The following LRRC4C variants were observed in gnomAD, a reference collection of about 807,000 sequenced individuals.
LRRC4C encodes leucine-rich repeat-containing protein 4C.
LRRC4C carries 5 observed loss-of-function variants against 33.6 expected under a neutral mutation model. The observed-to-expected ratio is 0.15, with a 90% CI of 0.08 to 0.31. LRRC4C has a LOEUF of 0.31. LRRC4C is among the 10% of genes least tolerant of loss of function. LRRC4C has a pLI of 1.00. For missense variants in LRRC4C, 560 were observed against 796.7 expected, an observed-to-expected ratio of 0.70 and a Z score of 3.58; for synonymous variants, 329 against 302.0, an observed-to-expected ratio of 1.09 and a Z score of -0.93.
intron 3 of LRRC4C, among the ~76,000 whole-genome samples, chr11:40,564,557 G>A (rs1957679248): frequency 6.6e-6 from 1 of 152,222 alleles, no homozygotes; most frequent in African/African-American, 2.4e-5. Flanking sequence ...GGGGAGTGAT[G>A]GGGATTGCGC....
chr11:41,109,836 G>C (rs1941725927), intron 1 of LRRC4C, among the ~76,000 whole-genome samples: 1 of 151,964 alleles, frequency 6.6e-6, no homozygotes. Context: ...ATCTCTTTAA[G>C]AGCATCAAGG....
chr11:40,529,520 T>A (rs952525765), intron 3 of LRRC4C, among the ~76,000 whole-genome samples: 1 of 151,998 alleles, frequency 6.6e-6, no homozygotes, highest in Admixed American at 6.6e-5. Flanking sequence ...ATAGTTGTTT[T>A]AAAAGAAAGG....
At chr11:40,325,227 A>G (rs1353653851) in intron 3 of LRRC4C, among the ~76,000 whole-genome samples, 1 of 152,194 alleles carries the variant, frequency 6.6e-6, no homozygotes, top group Non-Finnish European at 1.5e-5. Context: ...TTCTGAAGTG[A>G]TCTTAATGTT....
intron 4 of LRRC4C, among the ~76,000 whole-genome samples, chr11:40,251,683 G>C (rs1401321031): frequency 6.6e-6 from 1 of 152,114 alleles, no homozygotes; most frequent in Non-Finnish European, 1.5e-5. Context: ...AGAAGTAAAG[G>C]ATCTTCTCTC....
chr11:40,681,488 G>T (rs1321939368), intron 2 of LRRC4C, among the ~76,000 whole-genome samples: 1 of 152,144 alleles, frequency 6.6e-6, no homozygotes, highest in Admixed American at 6.5e-5. Flanking sequence ...CTTTGCACTG[G>T]CAATGTGGTA....
chr11:40,879,390 C>A (rs1040417940), intron 2 of LRRC4C, among the ~76,000 whole-genome samples: 1 of 152,086 alleles, frequency 6.6e-6, no homozygotes. Context: ...CCACCCAACT[C>A]ATGGAAAGAT....
At chr11:40,958,697 T>G (rs1959063569) in intron 1 of LRRC4C, among the ~76,000 whole-genome samples, 1 of 151,800 alleles carries the variant, frequency 6.6e-6, no homozygotes, top group Admixed American at 6.6e-5. Flanking sequence ...AATATGTCTA[T>G]AAACTGTTCT....
chr11:41,337,487 T>A (rs1409115928), intron 1 of LRRC4C, among the ~76,000 whole-genome samples: 6 of 152,210 alleles, frequency 3.9e-5, no homozygotes, highest in Non-Finnish European at 8.8e-5. Flanking sequence ...GCTATCCATA[T>A]GCAGAAAACT....
intron 1 of LRRC4C, among the ~76,000 whole-genome samples, chr11:41,213,118 T>C (rs145246463): frequency 1.1e-3 from 160 of 152,298 alleles, no homozygotes; most frequent in African/African-American, 3.8e-3. Context: ...ATCATGAAAG[T>C]TATTTGATTT....
chr11:41,326,776 C>A (rs1245149456), intron 1 of LRRC4C, among the ~76,000 whole-genome samples: 1 of 152,144 alleles, frequency 6.6e-6, no homozygotes, highest in Non-Finnish European at 1.5e-5. Context: ...TGTTGCAGTG[C>A]ACTCTGATAA....
chr11:40,473,320 T>C (rs1024918910), intron 3 of LRRC4C, among the ~76,000 whole-genome samples: 2 of 152,284 alleles, frequency 1.3e-5, no homozygotes, highest in East Asian at 3.9e-4. Context: ...ATAAATGTAA[T>C]CCATCACATA....
intron 1 of LRRC4C, among the ~76,000 whole-genome samples, chr11:41,265,573 G>A (rs1221797104): frequency 6.6e-6 from 1 of 152,068 alleles, no homozygotes; most frequent in African/African-American, 2.4e-5. Context: ...TAGCTTAACT[G>A]AGAGAAAAAG....
intron 1 of LRRC4C, among the ~76,000 whole-genome samples, chr11:41,221,594 T>C (rs569116978): frequency 4.9e-4 from 75 of 152,282 alleles, no homozygotes; most frequent in African/African-American, 1.7e-3. Context: ...TAAAGACATA[T>C]GCAGGAATAA....
chr11:40,909,228 TC>T (rs1956559948), intron 2 of LRRC4C, among the ~76,000 whole-genome samples: 1 of 152,128 alleles, frequency 6.6e-6, no homozygotes, highest in Non-Finnish European at 1.5e-5. Flanking sequence ...TTTAAATCAA[TC>T]TTTTAGGTAA....
At chr11:40,515,100 C>T (rs1178398676) in intron 3 of LRRC4C, among the ~76,000 whole-genome samples, 4 of 152,040 alleles carry the variant, frequency 2.6e-5, no homozygotes, top group Admixed American at 6.6e-5. Flanking sequence ...TATTCTCAAA[C>T]AAAACGACTT....
intron 3 of LRRC4C, among the ~76,000 whole-genome samples, chr11:40,418,055 T>C (rs1185731583): frequency 3.3e-5 from 5 of 152,164 alleles, no homozygotes; most frequent in African/African-American, 1.2e-4. Flanking sequence ...GTAAACTTCC[T>C]ACACAAAACA....
intron 1 of LRRC4C, among the ~76,000 whole-genome samples, chr11:41,073,104 G>A (rs1306993500): frequency 2.0e-5 from 3 of 152,112 alleles, no homozygotes; most frequent in Non-Finnish European, 4.4e-5. Flanking sequence ...CCTTTAACTT[G>A]CAGTTGTCAT....
chr11:41,068,956 A>C (rs1938471453), intron 1 of LRRC4C, among the ~76,000 whole-genome samples: 1 of 152,200 alleles, frequency 6.6e-6, no homozygotes, highest in Admixed American at 6.5e-5. Flanking sequence ...AACCTGGAAA[A>C]GATACATCAA....
chr11:40,635,928 T>G (rs112961423), intron 3 of LRRC4C, among the ~76,000 whole-genome samples: 4,922 of 152,002 alleles, frequency 0.032, 113 homozygotes, highest in African/African-American at 0.056. Flanking sequence ...CGTGAGGCAC[T>G]GCGCCCGGCC....
Sources: gnomAD v4.1 joint callset for allele counts (sites outside exome capture counted in the v4.1 genomes callset) on GRCh38, gnomAD v4.1.1 for gene constraint, MANE v1.5 for transcripts, NCBI Gene and HGNC (gene_info 2026-07-23, HGNC 2026-07-21) for gene names.